Variants in MLLT3 observed in about 807,000 individuals in gnomAD.
The protein encoded by MLLT3 is protein AF-9.
In MLLT3, 4 loss-of-function variants were observed where a neutral mutation model predicts 53.2. The ratio of observed to expected loss-of-function variants is 0.08; its 90% CI spans 0.04 to 0.17. The LOEUF (loss-of-function observed/expected upper bound fraction) is 0.17, where lower values mean the gene tolerates loss of function less well. Among genes scored for constraint, MLLT3 ranks in the 10% least tolerant of loss-of-function variants. The probability of loss-of-function intolerance (pLI) is 1.00; values close to 1 mark genes in which losing one functional copy is unlikely to be tolerated. For missense variants in MLLT3, 569 were observed against 684.0 expected (o/e 0.83, Z 1.87); for synonymous variants, 283 against 230.6 (o/e 1.23, Z -2.06).
At chr9:20,513,422 A>G (rs568090606) in intron 2 of MLLT3, among the ~76,000 whole-genome samples, 7 of 152,306 alleles carry the variant, frequency 4.6e-5, no homozygotes, top group African/African-American at 1.7e-4. Flanking sequence ...GAGGAGGAGT[A>G]CCAATGCGGG....
chr9:20,600,343 C>T (rs1820389580), intron 2 of MLLT3, among the ~76,000 whole-genome samples: 2 of 152,168 alleles, frequency 1.3e-5, no homozygotes, highest in South Asian at 4.1e-4. Context: ...TGTTTTGTTG[C>T]TATCCTCCAT....
chr9:20,370,620 C>T (rs1821575071), intron 5 of MLLT3, among the ~76,000 whole-genome samples: 1 of 152,042 alleles, frequency 6.6e-6, no homozygotes, highest in African/African-American at 2.4e-5. Flanking sequence ...AAGCCATTCT[C>T]CTGCCTCAGC....
intron 2 of MLLT3, among the ~76,000 whole-genome samples, chr9:20,589,328 G>T (rs555693429): frequency 6.6e-6 from 1 of 150,708 alleles, no homozygotes; most frequent in African/African-American, 2.4e-5. Flanking sequence ...GTAAACTATC[G>T]CAAGAACAAA....
At chr9:20,523,267 G>A (rs964758541) in intron 2 of MLLT3, among the ~76,000 whole-genome samples, 2 of 152,162 alleles carry the variant, frequency 1.3e-5, no homozygotes, top group African/African-American at 4.8e-5. Flanking sequence ...ATTCATTGCT[G>A]GTAGAAATGC....
chr9:20,455,929 T>A (rs1190903358), intron 3 of MLLT3, among the ~76,000 whole-genome samples: 1 of 120,994 alleles, frequency 8.3e-6, no homozygotes, highest in Non-Finnish European at 1.6e-5. Context: ...GCTAAAAACT[T>A]TTTTTTTTTT....
rs117702265 is a variant in MLLT3 at position 20,572,696 on chromosome 9, A to T, written c.193+47958T>A. ...GTAACCCCAGCTGCTTGGGAGGTGG[A>T]GGCGGAAGGATTGCTTGAACCCTGG... On this transcript the variant is annotated intron_variant, in intron 2 of 10. Coordinates refer to ENST00000380338, the MANE Select transcript of MLLT3 (RefSeq NM_004529.4). 9.6e-3 allele frequency among the ~76,000 whole-genome samples: 1,467 copies of T among 152,274 alleles called. 11 individuals carry two copies. The highest frequency in any genetic ancestry group is 0.024 in the Middle Eastern group (7 of 294).
In MLLT3 at chr9:20,621,857, G is replaced by C. The variant is rs1443446608; in HGVS notation, c.12+388C>G. On this transcript the variant is annotated intron_variant, in intron 1 of 10. Coordinates refer to ENST00000380338, the MANE Select transcript of MLLT3 (RefSeq NM_004529.4). This position sits in a 1 kb window ranked among gnomAD's most constrained non-coding sequence, Gnocchi z 7.0. ...CCGGACTGTGCCCGCAGCTCCCGGCGGCGGCGGCTGAAATATGGCTGAGTT... is the reference window on the plus strand; with the variant it reads ...CCGGACTGTGCCCGCAGCTCCCGGCCGCGGCGGCTGAAATATGGCTGAGTT... The C allele has an allele frequency of 7.2e-7, 1 of 1,382,940 alleles. No homozygotes were observed. Among genetic ancestry groups the C allele is most frequent in the East Asian group, 3.0e-5 (1 of 33,168 alleles). 85.7% of individuals were successfully genotyped at this position (1,382,940 alleles called of 1,614,324 possible).
intron 5 of MLLT3, among the ~76,000 whole-genome samples, chr9:20,393,913 GATT>G (rs1822254392): frequency 6.6e-6 from 1 of 152,140 alleles, no homozygotes; most frequent in African/African-American, 2.4e-5. Context: ...AATTGGTTCT[GATT>G]ATTTGATACT....
intron 2 of MLLT3, among the ~76,000 whole-genome samples, chr9:20,473,244 T>C (rs1824438800): frequency 6.6e-6 from 1 of 152,110 alleles, no homozygotes; most frequent in Non-Finnish European, 1.5e-5. Context: ...TATTTTTTCG[T>C]CCACCAAATG....
intron 5 of MLLT3, among the ~76,000 whole-genome samples, chr9:20,409,892 A>T (rs2118765947): frequency 6.6e-6 from 1 of 152,310 alleles, no homozygotes; most frequent in African/African-American, 2.4e-5. Context: ...ATTTCTTAGG[A>T]TATTTTAACA....
chr9:20,495,279 T>G (rs952291604), intron 2 of MLLT3, among the ~76,000 whole-genome samples: 3 of 152,008 alleles, frequency 2.0e-5, no homozygotes, highest in African/African-American at 7.2e-5. Flanking sequence ...CAGTATCCCC[T>G]GGGAGCTTGT....
chr9:20,378,201 G>A (rs1419542501), intron 5 of MLLT3, among the ~76,000 whole-genome samples: 1 of 151,996 alleles, frequency 6.6e-6, no homozygotes, highest in Non-Finnish European at 1.5e-5. Flanking sequence ...TACATAATAT[G>A]TTGGCTTACT....
At chr9:20,433,372 C>G (rs557355290) in intron 4 of MLLT3, among the ~76,000 whole-genome samples, 1 of 152,040 alleles carries the variant, frequency 6.6e-6, no homozygotes, top group Non-Finnish European at 1.5e-5. Flanking sequence ...AATATATACC[C>G]ATGAGTCCAT....
Position 20,483,403 on chromosome 9 carries a change from A to AT in MLLT3, c.194-26618dup, listed in dbSNP as rs1010766904. Among the ~76,000 whole-genome samples, 200 of 143,870 alleles carry AT rather than the reference A, an allele frequency of 1.4e-3. 1 individual carries two copies. The highest frequency in any genetic ancestry group is 0.011 in the East Asian group (55 of 4,940). The allele number at this position is 143,870 out of a possible 152,430, so 94.4% of individuals were successfully genotyped here. ...CAGGCATGCACCATTACACCTGGCT[A>AT]TTTTTTTTTTTAACTTTAAGGATCT... On this transcript the variant is annotated intron_variant, in intron 2 of 10. Transcript: ENST00000380338.
Position 20,438,030 on chromosome 9 carries a change from T to G in MLLT3, c.420+10093A>C, listed in dbSNP as rs538610330. ...TGCTCCCTATGCTTAAACCAGACCT[T>G]TATAGATATCTATGAATGCTGGACA... On this transcript the variant is annotated intron_variant, in intron 4 of 10. Coordinates refer to ENST00000380338, the MANE Select transcript of MLLT3 (RefSeq NM_004529.4). Among the ~76,000 whole-genome samples the G allele has an allele frequency of 2.6e-5, 4 of 152,276 alleles. No homozygotes were observed. The South Asian group carries it at 8.3e-4, about 32-fold the overall frequency.
At chr9:20,386,063 T>C (rs954626990) in intron 5 of MLLT3, among the ~76,000 whole-genome samples, 2 of 152,202 alleles carry the variant, frequency 1.3e-5, no homozygotes, top group African/African-American at 4.8e-5. Context: ...CCATTTCCAA[T>C]GGGCACTGCC....
intron 2 of MLLT3, among the ~76,000 whole-genome samples, chr9:20,573,400 G>A (rs761221731): frequency 1.9e-4 from 29 of 151,896 alleles, no homozygotes; most frequent in Non-Finnish European, 3.8e-4. Flanking sequence ...GACTAGTCTC[G>A]AACTCCTAAG....
At position 20,345,260 on chromosome 9, in the gene MLLT3, T is replaced by C; in HGVS notation, c.*1183A>G. 1 of 218,724 alleles carries C rather than the reference T, an allele frequency of 4.6e-6. No homozygotes were observed. The highest frequency in any genetic ancestry group is 2.2e-5 in the African/African-American group (1 of 44,686). The allele number at this position is 218,724 out of a possible 1,614,324, so 13.5% of individuals were successfully genotyped here. ...ACTGAATCTACAAGTTAATACATAATCTGTTATGGCAGAATAACCAAGAAT... is the reference window on the plus strand; with the variant it reads ...ACTGAATCTACAAGTTAATACATAACCTGTTATGGCAGAATAACCAAGAAT... On this transcript the variant is annotated 3_prime_UTR_variant, in exon 11 of 11. Transcript: ENST00000380338.
In MLLT3 at chr9:20,360,855, G is replaced by T. The variant is rs1440270801; in HGVS notation, c.1332-14C>A. On this transcript the variant is annotated splice_polypyrimidine_tract_variant and intron_variant, in intron 7 of 10. Coordinates refer to ENST00000380338, the MANE Select transcript of MLLT3 (RefSeq NM_004529.4). ...CTTAAGCTAACTCTGAAAAGAAACA[G>T]ACAAGTTATGCACATCATTACAAAC... is the stretch of plus-strand genomic sequence containing the variant. 1 of 1,600,564 alleles carries T rather than the reference G, an allele frequency of 6.2e-7. No homozygotes were observed. The highest frequency in any genetic ancestry group is 1.1e-5 in the South Asian group (1 of 90,758).
Sources: gnomAD v4.1 joint callset for allele counts (sites outside exome capture counted in the v4.1 genomes callset) on GRCh38, gnomAD v4.1.1 for gene constraint, Gnocchi (gnomAD v3.1) non-coding constraint, MANE v1.5 for transcripts, NCBI Gene and HGNC (gene_info 2026-07-23, HGNC 2026-07-21) for gene names.